SP2: variants seen among roughly 807,000 people sequenced by gnomAD.
The protein encoded by SP2 is Sp2 transcription factor, also known as transcription factor Sp2.
Under a neutral mutation model 50.1 loss-of-function variants are expected in SP2, and 9 were observed. That is an observed-to-expected ratio of 0.18 (90% CI 0.11 to 0.31). The LOEUF is 0.31. SP2 is among the 10% of genes least tolerant of loss of function. SP2 has a pLI of 1.00. For synonymous variants in SP2, 313 were observed against 326.6 expected (o/e 0.96, Z 0.45); for missense variants, 581 against 806.5 (o/e 0.72, Z 3.39).
chr17:47,926,977 A>T (rs2035675130), intron 6 of SP2, among the ~76,000 whole-genome samples: 1 of 151,994 alleles, frequency 6.6e-6, no homozygotes, highest in Non-Finnish European at 1.5e-5. Context: ...AGGAGTCAAC[A>T]CTCCACAGAA....
At chr17:47,902,529 A>G (rs2034584017) in intron 1 of SP2, among the ~76,000 whole-genome samples, 1 of 152,186 alleles carries the variant, frequency 6.6e-6, no homozygotes. Context: ...AGGTGATGAC[A>G]GAGGAGGTGG....
At chr17:47,925,611 C>A in intron 6 of SP2, 70 bp downstream of exon 6, 2 of 1,291,922 alleles carry the variant, frequency 1.5e-6, no homozygotes. Context: ...CACCCCCACT[C>A]TACCGGCTTT....
downstream of SP2, among the ~76,000 whole-genome samples, chr17:47,931,590 A>T (rs1184567652): frequency 6.6e-6 from 1 of 152,216 alleles, no homozygotes; most frequent in African/African-American, 2.4e-5. Flanking sequence ...TGAGTCTTCC[A>T]CTGCCCAAAC....
intron 1 of SP2, chr17:47,898,010 C>A: frequency 3.0e-6 from 1 of 338,914 alleles, no homozygotes; most frequent in African/African-American, 2.2e-5. Flanking sequence ...AGAAAAAAAG[C>A]GAGTCTGACA....
At chr17:47,913,976 T>G (rs996390193) in intron 1 of SP2, among the ~76,000 whole-genome samples, 1 of 152,240 alleles carries the variant, frequency 6.6e-6, no homozygotes, top group Non-Finnish European at 1.5e-5. Flanking sequence ...GTTTTCATTC[T>G]CCTTGTTATA....
intron 3 of SP2, 141 bp from the exon 4 acceptor site, chr17:47,922,821 G>A (rs1320794308): frequency 4.3e-6 from 3 of 698,724 alleles, no homozygotes; most frequent in Admixed American, 2.5e-5. Context: ...AGCATTAGCT[G>A]TGTATAAATG....
At chr17:47,910,380 A>G (rs1726415086) in intron 1 of SP2, among the ~76,000 whole-genome samples, 1 of 152,232 alleles carries the variant, frequency 6.6e-6, no homozygotes, top group Non-Finnish European at 1.5e-5. Flanking sequence ...GTATGTATGC[A>G]TATGGTGGGT....
downstream of SP2, chr17:47,929,594 C>G (rs547909760): frequency 6.5e-6 from 1 of 152,720 alleles, no homozygotes; most frequent in African/African-American, 2.4e-5. Flanking sequence ...GTTGATTGTG[C>G]CTTTTGGTTT....
intron 3 of SP2, chr17:47,918,518 A>C (rs1056124075): frequency 1.3e-5 from 2 of 152,152 alleles, no homozygotes; most frequent in African/African-American, 4.8e-5. Context: ...CCTCCCTTCC[A>C]TGAGGTCCCA....
intron 1 of SP2, among the ~76,000 whole-genome samples, chr17:47,913,788 G>C (rs1470253112): frequency 1.3e-5 from 2 of 152,096 alleles, no homozygotes; most frequent in Non-Finnish European, 2.9e-5. Flanking sequence ...AAGAAAAAAA[G>C]TACAGTAGAA....
At chr17:47,907,138 G>A (rs2034796275) in intron 1 of SP2, among the ~76,000 whole-genome samples, 1 of 152,074 alleles carries the variant, frequency 6.6e-6, no homozygotes, top group Non-Finnish European at 1.5e-5. Context: ...TGCCAGGGTG[G>A]ATGTCCTAAT....
At chr17:47,924,134 GT>G (rs565270035) in intron 4 of SP2, among the ~76,000 whole-genome samples, 115 of 142,948 alleles carry the variant, frequency 8.0e-4, no homozygotes, top group South Asian at 1.6e-3. Flanking sequence ...GTGTTTTTTG[GT>G]TTTTTTTTTT....
At chr17:47,907,624 C>T (rs1221925291) in intron 1 of SP2, among the ~76,000 whole-genome samples, 2 of 152,152 alleles carry the variant, frequency 1.3e-5, no homozygotes, top group Non-Finnish European at 1.5e-5. Flanking sequence ...ATCCCACTTA[C>T]CTATGTTGTT....
In SP2 at chr17:47,917,010, G is replaced by A. The variant is rs746133973; in HGVS notation, c.939G>A (p.Val313=). ...VVPPKAEQQQ[V]VQIPQQALRV... is the part of the protein sequence containing the mutation. ...CCCCCAAGGCCGAGCAGCAGCAGGT[G>A]GTACAGATCCCCCAGCAGGCTCTGC... The change falls in exon 3 of 7, where the codon GTG becomes GTA. Residue 313 remains valine, a synonymous_variant. Transcript: ENST00000376741. The A allele has an allele frequency of 2.5e-6, 4 of 1,614,100 alleles. No individual in the cohort carries two copies. In the African/African-American group the frequency reaches 4.0e-5, roughly 16 times the overall value.
chr17:47,930,359 C>T (rs1394896532), downstream of SP2, among the ~76,000 whole-genome samples: 1 of 152,198 alleles, frequency 6.6e-6, no homozygotes, highest in Non-Finnish European at 1.5e-5. Context: ...GAGCTGATTT[C>T]AAGCCATGTG....
downstream of SP2, among the ~76,000 whole-genome samples, chr17:47,931,103 AG>A (rs1417262245): frequency 2.0e-4 from 31 of 152,000 alleles, 1 homozygote; most frequent in African/African-American, 7.2e-5. Context: ...GCACTTTGGG[AG>A]GCCGAGGCGG....
intron 3 of SP2, among the ~76,000 whole-genome samples, chr17:47,917,625 G>GT (rs11287341): frequency 2.1e-5 from 3 of 141,094 alleles, no homozygotes; most frequent in African/African-American, 7.7e-5. Context: ...GTTTTAGGGT[G>GT]TTTTTTTTTT....
intron 1 of SP2, among the ~76,000 whole-genome samples, chr17:47,900,700 C>T (rs570627012): frequency 9.9e-5 from 15 of 152,276 alleles, no homozygotes; most frequent in African/African-American, 3.4e-4. Flanking sequence ...TCACTTGAAC[C>T]CAGGAGGCGG....
chr17:47,919,917 A>T lies in SP2; in HGVS notation c.1059+2787A>T, dbSNP rs1399941791. On this transcript the variant is annotated intron_variant, in intron 3 of 6. Transcript: ENST00000376741. Reference sequence around the variant, plus strand: ...GCAGTGGCAATCTTGGCTCACTGCAACCTCCAACTCCTGGGTTCAAGCGAT... The same window carrying T: ...GCAGTGGCAATCTTGGCTCACTGCATCCTCCAACTCCTGGGTTCAAGCGAT... 4.9e-5 allele frequency among the ~76,000 whole-genome samples: 7 copies of T among 141,872 alleles called. No individual in the cohort carries two copies. In the South Asian group the frequency reaches 1.5e-3, roughly 31 times the overall value. 93.1% of individuals were successfully genotyped at this position (141,872 alleles called of 152,430 possible).
Sources: gnomAD v4.1 joint callset for allele counts (sites outside exome capture counted in the v4.1 genomes callset) on GRCh38, gnomAD v4.1.1 for gene constraint, MANE v1.5 for transcripts, NCBI Gene and HGNC (gene_info 2026-07-23, HGNC 2026-07-21) for gene names.